Variants in EYS observed in about 807,000 individuals in gnomAD.
EYS encodes EGF-like photoreceptor maintenance factor.
EYS carries 250 observed loss-of-function variants against 282.1 expected under a neutral mutation model. The observed-to-expected ratio is 0.89, with a 90% CI of 0.80 to 0.98. The LOEUF (loss-of-function observed/expected upper bound fraction) is 0.98. EYS is among the 50% of genes least tolerant of loss of function. EYS has a pLI of 0.00. For missense variants in EYS, 4,016 were observed against 3,709.0 expected (o/e 1.08, Z -2.15); for synonymous variants, 1,355 against 1,282.9 (o/e 1.06, Z -1.20).
intron 13 of EYS, among the ~76,000 whole-genome samples, chr6:65,023,449 T>C (rs1328598702): frequency 1.3e-5 from 2 of 152,168 alleles, no homozygotes; most frequent in Non-Finnish European, 2.9e-5. Flanking sequence ...ATTGTTGAAA[T>C]TGTTTTCATT....
At chr6:64,748,707 G>C (rs781352026) in intron 22 of EYS, among the ~76,000 whole-genome samples, 1 of 152,188 alleles carries the variant, frequency 6.6e-6, no homozygotes, top group Non-Finnish European at 1.5e-5. Context: ...GGGAAGAGGA[G>C]ATCAAAGTCT....
At chr6:64,316,787 G>A (rs552117993) in intron 29 of EYS, among the ~76,000 whole-genome samples, 2 of 152,186 alleles carry the variant, frequency 1.3e-5, no homozygotes, top group Admixed American at 6.5e-5. Context: ...CAAAACTGGA[G>A]GCATCATGCT....
intron 22 of EYS, among the ~76,000 whole-genome samples, chr6:64,718,780 T>C (rs1457464750): frequency 2.0e-5 from 3 of 152,218 alleles, no homozygotes; most frequent in Admixed American, 6.5e-5. Context: ...GCGCATTTAG[T>C]ATATGCCATG....
rs1385884835 is a variant in EYS, at chr6:64,822,834, C to G, written c.2993-12G>C. On this transcript the variant is annotated splice_polypyrimidine_tract_variant and intron_variant, in intron 19 of 42. Coordinates refer to ENST00000503581, the MANE Select transcript of EYS (RefSeq NM_001142800.2). ...TTCACAGTTGATGCCTGTGTTGGAA[C>G]AGACAAGGCAAAACATGAAACCATT... 3 of 1,539,362 alleles carry G rather than the reference C, an allele frequency of 1.9e-6. No individual in the cohort carries two copies. Among genetic ancestry groups the G allele is most frequent in the South Asian group, 2.5e-5 (2 of 81,224 alleles).
chr6:64,309,589 A>G (rs1043303190), intron 29 of EYS, among the ~76,000 whole-genome samples: 1 of 63,868 alleles, frequency 1.6e-5, no homozygotes, highest in Non-Finnish European at 3.0e-5. Context: ...ATATACAAAC[A>G]ACCTTCTTAT....
At chr6:64,136,605 A>T in intron 31 of EYS, among the ~76,000 whole-genome samples, 1 of 152,150 alleles carries the variant, frequency 6.6e-6, no homozygotes, top group East Asian at 1.9e-4. Flanking sequence ...GCATGAAAAA[A>T]AATTAATCAA....
rs1772999880 is a variant in EYS, at chr6:64,388,828, A to G, written c.5940T>C (p.Asp1980=). 6.6e-7 allele frequency: 1 copy of G among 1,509,526 alleles called. No individual in the cohort carries two copies. Among genetic ancestry groups the G allele is most frequent in the Non-Finnish European group, 8.9e-7 (1 of 1,128,498 alleles). The allele number at this position is 1,509,526 out of a possible 1,614,324, so 93.5% of individuals were successfully genotyped here. A position where few individuals can be genotyped will look rare whatever the true frequency, so the allele number is the denominator to read the frequency against. Residue 1980 remains aspartate (D), a synonymous_variant, in exon 29 of 43, where the codon GAT becomes GAC. Coordinates refer to ENST00000503581, the MANE Select transcript of EYS (RefSeq NM_001142800.2). The stretch of plus-strand genomic sequence containing the variant: ...AAATAGTCAGCTCAGCGTTACATGG[A>G]TCCAATTCTTGCCTGTAACCATTTA... The part of the protein sequence containing the change: ...KYTLLIRQEL[D]PCNAELTILG...
chr6:64,348,235 G>C (rs1340954394), intron 29 of EYS, among the ~76,000 whole-genome samples: 1 of 151,268 alleles, frequency 6.6e-6, no homozygotes, highest in Non-Finnish European at 1.5e-5. Context: ...GTAGATTATT[G>C]ATTCTGTTTA....
chr6:64,126,682 T>A (rs1773797178), intron 31 of EYS, among the ~76,000 whole-genome samples: 1 of 152,180 alleles, frequency 6.6e-6, no homozygotes, highest in African/African-American at 2.4e-5. Flanking sequence ...GCAGTTCAAG[T>A]CCCCTCTTCA....
intron 22 of EYS, among the ~76,000 whole-genome samples, chr6:64,660,230 A>C (rs1439934751): frequency 6.6e-6 from 1 of 152,080 alleles, no homozygotes. Context: ...ATTGATGGGA[A>C]GTATCTCAAA....
At chr6:65,265,552 C>A (rs1767731026) in intron 12 of EYS, among the ~76,000 whole-genome samples, 1 of 151,868 alleles carries the variant, frequency 6.6e-6, no homozygotes, top group South Asian at 2.1e-4. Flanking sequence ...GTGAGCTAAA[C>A]AAAATAACAA....
intron 2 of EYS, among the ~76,000 whole-genome samples, chr6:65,497,205 C>A (rs933190212): frequency 6.6e-6 from 1 of 151,828 alleles, no homozygotes; most frequent in Non-Finnish European, 1.5e-5. Context: ...TGCTCAGTAC[C>A]AGGATTCATC....
intron 14 of EYS, among the ~76,000 whole-genome samples, chr6:64,990,343 G>A (rs1771022800): frequency 6.6e-6 from 1 of 151,298 alleles, no homozygotes; most frequent in Admixed American, 6.6e-5. Flanking sequence ...TGTTTTCTAG[G>A]AAAAAAAGTG....
At chr6:63,752,570 G>C (rs1315821184) in intron 41 of EYS, among the ~76,000 whole-genome samples, 2 of 146,570 alleles carry the variant, frequency 1.4e-5, no homozygotes, top group Admixed American at 7.0e-5. Context: ...TCGGCTCACT[G>C]CAAGCTCTGC....
At chr6:64,031,933 C>G (rs1162265003) in intron 33 of EYS, among the ~76,000 whole-genome samples, 1 of 152,140 alleles carries the variant, frequency 6.6e-6, no homozygotes, top group Non-Finnish European at 1.5e-5. Flanking sequence ...TGCTCTGGTC[C>G]CCTTCCACAC....
At chr6:64,759,381 G>T (rs1773086409) in intron 22 of EYS, among the ~76,000 whole-genome samples, 1 of 151,926 alleles carries the variant, frequency 6.6e-6, no homozygotes, top group Admixed American at 6.6e-5. Flanking sequence ...TTATTTTTAG[G>T]TATTTGTAAA....
At chr6:64,268,464 T>C (rs1767834871) in intron 30 of EYS, among the ~76,000 whole-genome samples, 1 of 151,994 alleles carries the variant, frequency 6.6e-6, no homozygotes. Context: ...ATTTACATAA[T>C]AATGAAAGAA....
At chr6:64,888,013 A>G (rs1056329269) in intron 18 of EYS, among the ~76,000 whole-genome samples, 4 of 152,078 alleles carry the variant, frequency 2.6e-5, no homozygotes, top group African/African-American at 7.2e-5. Flanking sequence ...CTCCAGGATC[A>G]TGTATGTTGT....
intron 31 of EYS, among the ~76,000 whole-genome samples, chr6:64,207,808 C>T (rs576983608): frequency 6.6e-6 from 1 of 152,242 alleles, no homozygotes; most frequent in African/African-American, 2.4e-5. Context: ...CAGGCATGTG[C>T]CACCACACCC....
Sources: gnomAD v4.1 joint callset for allele counts (sites outside exome capture counted in the v4.1 genomes callset) on GRCh38, gnomAD v4.1.1 for gene constraint, MANE v1.5 for transcripts, NCBI Gene and HGNC (gene_info 2026-07-23, HGNC 2026-07-21) for gene names.